The following DDO variants were observed in gnomAD, a reference collection of about 807,000 sequenced individuals.
DDO encodes the protein D-aspartate oxidase, also known as D-aspartate oxidase, DDO.
DDO carries 16 observed loss-of-function variants against 16.8 expected under a neutral mutation model. The observed-to-expected ratio is 0.95, with a 90% confidence interval of 0.65 to 1.45. DDO has a LOEUF of 1.45. DDO is among the 40% of genes most tolerant of loss of function. The probability of loss-of-function intolerance (pLI) is 0.00; values close to 1 mark genes in which losing one functional copy is unlikely to be tolerated. For synonymous variants in DDO, 180 were observed against 167.2 expected (o/e 1.08, Z -0.59); for missense variants, 429 against 420.3 (o/e 1.02, Z -0.18).
intron 2 of DDO, among the ~76,000 whole-genome samples, chr6:110,411,624 C>T (rs1773860629): frequency 6.6e-6 from 1 of 151,766 alleles, no homozygotes; most frequent in African/African-American, 2.4e-5. Flanking sequence ...GAGTAAGTCT[C>T]CCAGAAAGTA....
At chr6:110,414,349 G>A (rs1773970675) in intron 1 of DDO, among the ~76,000 whole-genome samples, 1 of 152,268 alleles carries the variant, frequency 6.6e-6, no homozygotes, top group Non-Finnish European at 1.5e-5. Flanking sequence ...CTGAGGAGCA[G>A]TCCGTGGTCT....
intron 2 of DDO, among the ~76,000 whole-genome samples, chr6:110,409,744 G>A (rs544965534): frequency 2.2e-4 from 34 of 152,272 alleles, no homozygotes; most frequent in African/African-American, 7.9e-4. Context: ...AACTAAATTT[G>A]GCCTCAAATA....
intron 4 of DDO, among the ~76,000 whole-genome samples, chr6:110,396,100 C>G (rs952568824): frequency 2.6e-5 from 4 of 152,206 alleles, no homozygotes; most frequent in African/African-American, 7.2e-5. Context: ...AAGATTGCTA[C>G]TCAATGGCAT....
intron 2 of DDO, among the ~76,000 whole-genome samples, chr6:110,412,104 G>T (rs1049410776): frequency 4.6e-5 from 7 of 152,098 alleles, no homozygotes; most frequent in Non-Finnish European, 1.0e-4. Flanking sequence ...AAATTAGCCG[G>T]GCGTGGTGGC....
Position 110,404,814 on chromosome 6 carries a change from T to A in DDO, c.418A>T (p.Lys140Ter). Residue 140 changes from lysine to a stop codon, truncating the protein, a stop_gained, in exon 4 of 5, where the codon AAA (lysine) becomes TAA (stop). Coordinates refer to ENST00000368924, the MANE Select transcript of DDO (RefSeq NM_001372108.2). LOFTEE classifies it low-confidence loss of function (END_TRUNC). ...YVFGQAFTTL[K>*]CECPAYLPWL... The stretch of plus-strand genomic sequence containing the variant: ...GGGAGGTAGGCAGGGCATTCACATT[T>A]CAGGGTTGTAAAAGCCTGACCAAAC... 1 of 1,614,160 alleles carries A rather than the reference T, an allele frequency of 6.2e-7. No individual in the cohort carries two copies. Among genetic ancestry groups the A allele is most frequent in the Non-Finnish European group, 8.5e-7 (1 of 1,180,034 alleles).
intron 4 of DDO, among the ~76,000 whole-genome samples, chr6:110,396,457 T>C (rs1015406307): frequency 6.6e-6 from 1 of 152,238 alleles, no homozygotes; most frequent in South Asian, 2.1e-4. Flanking sequence ...TCCTATTAAA[T>C]GCAAGCTGCA....
At chr6:110,399,562 C>T (rs1250278010) in intron 4 of DDO, among the ~76,000 whole-genome samples, 1 of 141,206 alleles carries the variant, frequency 7.1e-6, no homozygotes, top group Non-Finnish European at 1.6e-5. Context: ...GCCTGAAATG[C>T]TCGCCCTGAA....
intron 4 of DDO, among the ~76,000 whole-genome samples, chr6:110,396,430 TG>T (rs1268557180): frequency 6.6e-6 from 1 of 152,268 alleles, no homozygotes; most frequent in Non-Finnish European, 1.5e-5. Context: ...TGAGATCACA[TG>T]AACCTGCACT....
chr6:110,401,034 G>A (rs1173452808), intron 4 of DDO, among the ~76,000 whole-genome samples: 2 of 152,220 alleles, frequency 1.3e-5, no homozygotes, highest in Non-Finnish European at 2.9e-5. Flanking sequence ...GGCAGACTGT[G>A]CCACTGTGTG....
chr6:110,409,663 A>G (rs147156397), intron 2 of DDO, among the ~76,000 whole-genome samples: 138 of 152,346 alleles, frequency 9.1e-4, no homozygotes, highest in Non-Finnish European at 1.6e-3. Context: ...AATTAACACT[A>G]TATTCCAAAA....
chr6:110,388,363 G>T (rs905747769), downstream of DDO, among the ~76,000 whole-genome samples: 2 of 152,164 alleles, frequency 1.3e-5, no homozygotes, highest in Non-Finnish European at 2.9e-5. Context: ...GACAAGTTAC[G>T]AAAGTCCTGA....
At chr6:110,402,835 C>T (rs1773525779) in intron 4 of DDO, among the ~76,000 whole-genome samples, 2 of 152,166 alleles carry the variant, frequency 1.3e-5, no homozygotes, top group Non-Finnish European at 2.9e-5. Flanking sequence ...GCAGGAAAGC[C>T]CTTAATCAGC....
At chr6:110,402,405 C>A (rs1773511891) in intron 4 of DDO, among the ~76,000 whole-genome samples, 2 of 152,200 alleles carry the variant, frequency 1.3e-5, no homozygotes, top group African/African-American at 2.4e-5. Context: ...TGGCTCATGT[C>A]TGTAATCCCA....
chr6:110,415,387 CT>C (rs1774013361), intron 1 of DDO, 79 bp downstream of exon 1: 7 of 1,580,870 alleles, frequency 4.4e-6, no homozygotes, highest in Non-Finnish European at 6.0e-6. Context: ...TCACTGTCCC[CT>C]GACCCTATTC....
chr6:110,393,209 G>C lies in DDO; in HGVS notation c.592C>G (p.Pro198Ala). Residue 198 changes from proline (P) to alanine (A), a missense_variant, in exon 5 of 5, where the codon CCT becomes GCT. Physicochemically the swap from Pro to Ala is conservative, Grantham distance 27. Transcript: ENST00000368924. ...ACTTGGAGGACTTGGCCCCTTACAGGGAAAATCTTTGAGTCTCCTGCAAGC... is the reference window on the plus strand; with the variant it reads ...ACTTGGAGGACTTGGCCCCTTACAGCGAAAATCTTTGAGTCTCCTGCAAGC... ...RQLAGDSKIF[P>A]VRGQVLQVQA... 1 of 1,614,226 alleles carries C rather than the reference G, an allele frequency of 6.2e-7. No individual in the cohort carries two copies. The highest frequency in any genetic ancestry group is 8.5e-7 in the Non-Finnish European group (1 of 1,180,046).
chr6:110,394,137 C>G (rs955153422), intron 4 of DDO, among the ~76,000 whole-genome samples: 4 of 151,838 alleles, frequency 2.6e-5, no homozygotes, highest in South Asian at 2.1e-4. Flanking sequence ...TGGGGTCTCA[C>G]TCTGTCACCC....
chr6:110,404,662 C>A, intron 4 of DDO, 112 bp downstream of exon 4: 1 of 1,207,630 alleles, frequency 8.3e-7, no homozygotes, highest in Middle Eastern at 2.5e-4. Context: ...CAAGGCAACG[C>A]GAAAGAGCTC....
chr6:110,393,635 G>A (rs928178571), intron 4 of DDO, among the ~76,000 whole-genome samples: 2 of 152,216 alleles, frequency 1.3e-5, no homozygotes, highest in Admixed American at 1.3e-4. Context: ...TATTCTAGAT[G>A]CTGAATAAAT....
At chr6:110,411,998 G>A (rs952397420) in intron 2 of DDO, among the ~76,000 whole-genome samples, 3 of 152,128 alleles carry the variant, frequency 2.0e-5, no homozygotes, top group Non-Finnish European at 4.4e-5. Flanking sequence ...TTACAGGTGT[G>A]AGCCACCATG....
Sources: allele counts gnomAD v4.1 joint callset (sites outside exome capture counted in the v4.1 genomes callset), GRCh38; gene constraint gnomAD v4.1.1; transcripts MANE v1.5; gene names NCBI Gene and HGNC (gene_info 2026-07-23, HGNC 2026-07-21).